Variants in CADM2 observed in about 807,000 individuals in gnomAD.
The protein encoded by CADM2 is cell adhesion molecule 2.
In CADM2, 12 loss-of-function variants were observed where a neutral mutation model predicts 49.8. The ratio of observed to expected loss-of-function variants is 0.24; its 90% CI spans 0.15 to 0.39. The LOEUF (loss-of-function observed/expected upper bound fraction) is 0.39. Ranked by LOEUF, CADM2 falls within the 10% of genes least tolerant of loss-of-function variation. The pLI is 1.00. For synonymous variants in CADM2, 214 were observed against 175.4 expected (o/e 1.22, Z -1.74); for missense variants, 378 against 492.3 (o/e 0.77, Z 2.20).
At chr3:85,997,103 G>C (rs1559790464) in intron 8 of CADM2, among the ~76,000 whole-genome samples, 1 of 152,132 alleles carries the variant, frequency 6.6e-6, no homozygotes, top group Non-Finnish European at 1.5e-5. Context: ...ATCTCTCCGT[G>C]CAGTTTGGCT....
At chr3:86,037,052 G>A (rs1004359166) in intron 8 of CADM2, among the ~76,000 whole-genome samples, 17 of 151,952 alleles carry the variant, frequency 1.1e-4, no homozygotes, top group Admixed American at 1.3e-4. Context: ...TTTTAACCAG[G>A]ACAAGTCTAA....
rs184217322 is a variant in CADM2, at chr3:86,068,387, A to T, written c.*1604A>T. The T allele has an allele frequency of 2.0e-3, 306 of 152,058 alleles. 1 individual carries two copies. Among genetic ancestry groups the T allele is most frequent in the African/African-American group, 6.6e-3 (276 of 41,556 alleles). 9.4% of individuals were successfully genotyped at this position (152,058 alleles called of 1,614,324 possible). On this transcript the variant is annotated 3_prime_UTR_variant, in exon 10 of 10. Transcript: ENST00000383699. Reference sequence around the variant, plus strand: ...AAAGAATAAAACTCCAGTTAGATTTAAAAAAATCCCATTTACAAGCATTGC... The same window carrying T: ...AAAGAATAAAACTCCAGTTAGATTTTAAAAAATCCCATTTACAAGCATTGC...
At chr3:85,126,805 A>C (rs1437087903) in intron 1 of CADM2, among the ~76,000 whole-genome samples, 1 of 152,126 alleles carries the variant, frequency 6.6e-6, no homozygotes, top group Admixed American at 6.5e-5. Flanking sequence ...CATTTACCTT[A>C]TCTTTCCTGT....
At chr3:86,018,407 T>C (rs1480932030) in intron 8 of CADM2, among the ~76,000 whole-genome samples, 23 of 151,476 alleles carry the variant, frequency 1.5e-4, no homozygotes, top group African/African-American at 5.6e-4. Flanking sequence ...ATGGGATGGC[T>C]GGGTCAAATG....
intron 8 of CADM2, chr3:86,012,721 G>C (rs1731693007): frequency 1.1e-6 from 1 of 923,172 alleles, no homozygotes. Context: ...TGGGCGCGTT[G>C]ACTCACGCCT....
intron 2 of CADM2, among the ~76,000 whole-genome samples, chr3:85,760,831 A>T (rs920788421): frequency 6.6e-6 from 1 of 152,224 alleles, no homozygotes; most frequent in African/African-American, 2.4e-5. Flanking sequence ...TAGCAATTTT[A>T]TTCAAATTTC....
chr3:85,402,054 C>A (rs898832637), intron 1 of CADM2, among the ~76,000 whole-genome samples: 1 of 152,076 alleles, frequency 6.6e-6, no homozygotes, highest in Admixed American at 6.5e-5. Context: ...CATAGAAATA[C>A]GTTATTTCTA....
intron 1 of CADM2, among the ~76,000 whole-genome samples, chr3:85,155,277 A>T (rs1431572196): frequency 2.2e-4 from 32 of 148,392 alleles, no homozygotes; most frequent in Middle Eastern, 3.2e-3. Context: ...AAAAAAAGGC[A>T]GGGGTTGCAA....
chr3:85,751,369 T>G (rs1026625439), intron 2 of CADM2, among the ~76,000 whole-genome samples: 3 of 152,166 alleles, frequency 2.0e-5, no homozygotes, highest in African/African-American at 7.2e-5. Flanking sequence ...AGGATATCCT[T>G]GGTATTATTA....
chr3:85,157,518 C>A (rs2040168159), intron 1 of CADM2, among the ~76,000 whole-genome samples: 1 of 151,972 alleles, frequency 6.6e-6, no homozygotes, highest in Non-Finnish European at 1.5e-5. Context: ...CAGAACAGAG[C>A]CCTCAGAAAT....
rs989698503 is a variant in CADM2 at position 86,069,213 on chromosome 3, T to G, written c.*2430T>G. The G allele has an allele frequency of 6.6e-6, 1 of 151,980 alleles. No individual in the cohort carries two copies. The highest frequency in any genetic ancestry group is 1.5e-5 in the Non-Finnish European group (1 of 67,894). The allele number at this position is 151,980 out of a possible 1,614,324, so 9.4% of individuals were successfully genotyped here. A position where few individuals can be genotyped will look rare whatever the true frequency, so the allele number is the denominator to read the frequency against. The stretch of plus-strand genomic sequence containing the variant: ...GTTGCCTAAATAACTCAATCATTAT[T>G]TATAGCACTGTAAAATTAGAAATCC... On this transcript the variant is annotated 3_prime_UTR_variant, in exon 10 of 10. Coordinates refer to ENST00000383699, the MANE Select transcript of CADM2 (RefSeq NM_001167675.2).
At chr3:85,882,043 C>T (rs184491726) in intron 3 of CADM2, among the ~76,000 whole-genome samples, 10 of 152,242 alleles carry the variant, frequency 6.6e-5, no homozygotes, top group Non-Finnish European at 2.9e-5. Flanking sequence ...CAGTTCCTAA[C>T]AGACTGCAAA....
At chr3:85,232,719 C>T (rs920542173) in intron 1 of CADM2, among the ~76,000 whole-genome samples, 7 of 152,138 alleles carry the variant, frequency 4.6e-5, no homozygotes, top group Non-Finnish European at 1.0e-4. Flanking sequence ...CAATGAGACA[C>T]TCCTACACAC....
Position 85,984,168 on chromosome 3 carries a change from G to A in CADM2, c.970+22521G>A, listed in dbSNP as rs538853893. ...TTATATATCATATGTGTACATATAT[G>A]TGCACATATGTACACATATATTATG... On this transcript the variant is annotated intron_variant, in intron 8 of 9. Coordinates refer to ENST00000383699, the MANE Select transcript of CADM2 (RefSeq NM_001167675.2). Among the ~76,000 whole-genome samples the A allele has an allele frequency of 5.5e-4, 82 of 149,820 alleles. 1 individual carries two copies. The highest frequency in any genetic ancestry group is 8.1e-4 in the Admixed American group (12 of 14,898).
intron 1 of CADM2, among the ~76,000 whole-genome samples, chr3:85,422,437 C>T (rs2036216053): frequency 6.6e-6 from 1 of 151,956 alleles, no homozygotes; most frequent in African/African-American, 2.4e-5. Context: ...GCCACCACGC[C>T]CGGCTAATTT....
At chr3:85,998,903 G>A (rs1406058098) in intron 8 of CADM2, among the ~76,000 whole-genome samples, 1 of 152,092 alleles carries the variant, frequency 6.6e-6, no homozygotes, top group Non-Finnish European at 1.5e-5. Flanking sequence ...AACCAATTAA[G>A]TAAGAAATTT....
At chr3:85,344,722 G>A (rs1296803588) in intron 1 of CADM2, among the ~76,000 whole-genome samples, 2 of 151,810 alleles carry the variant, frequency 1.3e-5, no homozygotes, top group East Asian at 3.9e-4. Context: ...ATTTCCACTG[G>A]TAACTTTATA....
chr3:85,025,900 G>A (rs2034704986), intron 1 of CADM2, among the ~76,000 whole-genome samples: 1 of 152,028 alleles, frequency 6.6e-6, no homozygotes, highest in Non-Finnish European at 1.5e-5. Flanking sequence ...TTTAGTGGGT[G>A]AGAAAAATTA....
intron 3 of CADM2, among the ~76,000 whole-genome samples, chr3:85,840,577 G>T (rs1235634939): frequency 1.3e-5 from 2 of 151,780 alleles, no homozygotes; most frequent in Non-Finnish European, 2.9e-5. Flanking sequence ...AATTAAATAA[G>T]CTGATTCACA....
Sources: allele counts gnomAD v4.1 joint callset (sites outside exome capture counted in the v4.1 genomes callset), GRCh38; gene constraint gnomAD v4.1.1; transcripts MANE v1.5; gene names NCBI Gene and HGNC (gene_info 2026-07-23, HGNC 2026-07-21).